Variants in RAD51B observed in about 807,000 individuals in gnomAD.
RAD51B encodes the protein RAD51 paralog B.
Under a neutral mutation model 42.2 loss-of-function variants are expected in RAD51B, and 38 were observed. That is an observed-to-expected ratio of 0.90 (90% confidence interval 0.70 to 1.18). RAD51B has a LOEUF of 1.18. Among genes scored for constraint, RAD51B ranks in the 50% most tolerant of loss-of-function variants. The probability of loss-of-function intolerance (pLI) is 0.00; values close to 1 mark genes in which losing one functional copy is unlikely to be tolerated. For synonymous variants in RAD51B, 154 were observed against 145.2 expected, an observed-to-expected ratio of 1.06 and a Z score of -0.43; for missense variants, 373 against 400.7, an observed-to-expected ratio of 0.93 and a Z score of 0.59.
chr14:68,407,456 G>C (rs1321169665), intron 8 of RAD51B, among the ~76,000 whole-genome samples: 1 of 152,218 alleles, frequency 6.6e-6, no homozygotes, highest in East Asian at 1.9e-4. Flanking sequence ...ATGTGAGTAT[G>C]CATTGTGCTA....
At position 68,309,297 on chromosome 14, in the gene RAD51B, A is replaced by G. The variant is rs141659247; in HGVS notation, c.853+17317A>G. On this transcript the variant is annotated intron_variant, in intron 8 of 10. Transcript: ENST00000471583. The stretch of plus-strand genomic sequence containing the variant: ...GACAGAGCAGCTTCATGAAGTGTGG[A>G]TGTCTGTTACCCACTTCCCAGTTTT... Among the ~76,000 whole-genome samples the G allele has an allele frequency of 3.4e-3, 515 of 152,246 alleles. 1 individual carries two copies. The highest frequency in any genetic ancestry group is 5.9e-3 in the Non-Finnish European group (398 of 68,022).
intron 10 of RAD51B, among the ~76,000 whole-genome samples, chr14:68,645,581 T>G (rs73285897): frequency 0.038 from 5,761 of 152,302 alleles, 366 homozygotes; most frequent in African/African-American, 0.13. Context: ...TGCCATACTG[T>G]TTTCCACAAT....
chr14:68,278,898 A>G (rs1413818645), intron 7 of RAD51B, among the ~76,000 whole-genome samples: 1 of 152,088 alleles, frequency 6.6e-6, no homozygotes, highest in African/African-American at 2.4e-5. Flanking sequence ...ACCTTTAATA[A>G]GACTTTTCCT....
chr14:68,627,922 T>TAAA (rs760641727), intron 10 of RAD51B, among the ~76,000 whole-genome samples: 31 of 26,374 alleles, frequency 1.2e-3, no homozygotes, highest in Non-Finnish European at 1.9e-3. Flanking sequence ...GTTATTTTTT[T>TAAA]TTAAATAAAC....
At chr14:68,203,324 G>A (rs1428632503) in intron 7 of RAD51B, among the ~76,000 whole-genome samples, 1 of 152,052 alleles carries the variant, frequency 6.6e-6, no homozygotes, top group African/African-American at 2.4e-5. Context: ...AGAGCTCTTG[G>A]GTGACTAGGA....
chr14:68,352,259 G>T (rs11628653), intron 8 of RAD51B, among the ~76,000 whole-genome samples: 83,640 of 152,100 alleles, frequency 0.55, 23,946 homozygotes, highest in East Asian at 0.67. Context: ...CTTAAACAAC[G>T]TTGTGGTGCT....
intron 10 of RAD51B, among the ~76,000 whole-genome samples, chr14:68,510,055 CT>C (rs957609724): frequency 4.6e-5 from 7 of 152,186 alleles, no homozygotes; most frequent in African/African-American, 1.7e-4. Flanking sequence ...TCACCTCCCC[CT>C]AGCCCCACTC....
intron 7 of RAD51B, among the ~76,000 whole-genome samples, chr14:67,904,244 C>A (rs1044299577): frequency 6.6e-6 from 1 of 151,948 alleles, no homozygotes; most frequent in Non-Finnish European, 1.5e-5. Flanking sequence ...ATGGTAGAAT[C>A]CTTATATTCC....
chr14:68,554,370 C>T (rs1205764683), intron 10 of RAD51B, among the ~76,000 whole-genome samples: 1 of 152,194 alleles, frequency 6.6e-6, no homozygotes, highest in Non-Finnish European at 1.5e-5. Context: ...CAGTGTCCTA[C>T]CTACCAGGCT....
At chr14:68,501,092 C>T (rs547889787) in intron 10 of RAD51B, among the ~76,000 whole-genome samples, 7 of 152,178 alleles carry the variant, frequency 4.6e-5, no homozygotes, top group Non-Finnish European at 8.8e-5. Context: ...AACATGGCAG[C>T]ATCTCCCCTG....
intron 10 of RAD51B, among the ~76,000 whole-genome samples, chr14:68,566,979 A>G (rs1391574784): frequency 6.6e-6 from 1 of 152,010 alleles, no homozygotes; most frequent in Non-Finnish European, 1.5e-5. Flanking sequence ...TAATATCCCA[A>G]ATAGGCTCAT....
intron 10 of RAD51B, among the ~76,000 whole-genome samples, chr14:68,587,124 G>T (rs997768761): frequency 9.2e-5 from 14 of 152,178 alleles, no homozygotes; most frequent in African/African-American, 3.1e-4. Flanking sequence ...CACAGTGCCT[G>T]CGCATAAGAG....
chr14:68,366,521 G>A (rs1214826838), intron 8 of RAD51B, among the ~76,000 whole-genome samples: 1 of 152,212 alleles, frequency 6.6e-6, no homozygotes, highest in Non-Finnish European at 1.5e-5. Context: ...ACTATGCTTA[G>A]TCTGCCTCGT....
chr14:68,185,943 C>G (rs761315998), intron 7 of RAD51B, among the ~76,000 whole-genome samples: 1 of 152,164 alleles, frequency 6.6e-6, no homozygotes, highest in African/African-American at 2.4e-5. Context: ...TGAGGCATCA[C>G]ATTACCCAAC....
At chr14:68,383,434 A>G (rs2083522884) in intron 8 of RAD51B, among the ~76,000 whole-genome samples, 1 of 152,212 alleles carries the variant, frequency 6.6e-6, no homozygotes, top group Non-Finnish European at 1.5e-5. Flanking sequence ...GCCCAAAGTG[A>G]CAGGGTGCTG....
chr14:67,916,387 G>A (rs1342770253), intron 7 of RAD51B, among the ~76,000 whole-genome samples: 1 of 151,984 alleles, frequency 6.6e-6, no homozygotes, highest in Non-Finnish European at 1.5e-5. Context: ...GACTACAGGT[G>A]CATGCCACCA....
chr14:68,462,575 A>G (rs1419210249), intron 9 of RAD51B, among the ~76,000 whole-genome samples: 1 of 152,194 alleles, frequency 6.6e-6, no homozygotes, highest in East Asian at 1.9e-4. Flanking sequence ...TCAATTAATC[A>G]AAACAGAGTC....
intron 9 of RAD51B, among the ~76,000 whole-genome samples, chr14:68,460,497 C>T (rs1218279945): frequency 6.6e-6 from 1 of 152,088 alleles, no homozygotes; most frequent in Non-Finnish European, 1.5e-5. Flanking sequence ...TAGCCTGTGC[C>T]CAAGGTTCCT....
intron 11 of RAD51B, among the ~76,000 whole-genome samples, chr14:68,660,747 A>G (rs935102337): frequency 1.3e-5 from 2 of 152,188 alleles, no homozygotes; most frequent in Non-Finnish European, 2.9e-5. Flanking sequence ...AAACTAGGCA[A>G]TGCTCCCAGA....
Sources: gnomAD v4.1 joint callset for allele counts (sites outside exome capture counted in the v4.1 genomes callset) on GRCh38, gnomAD v4.1.1 for gene constraint, MANE v1.5 for transcripts, NCBI Gene and HGNC (gene_info 2026-07-23, HGNC 2026-07-21) for gene names.